Variants in MINPP1 observed in about 807,000 individuals in gnomAD.
MINPP1 encodes multiple inositol-polyphosphate phosphatase 1.
Under a neutral mutation model 46.1 loss-of-function variants are expected in MINPP1, and 28 were observed. The observed-to-expected ratio is 0.61, with a 90% CI of 0.45 to 0.83. The LOEUF (loss-of-function observed/expected upper bound fraction) is 0.83, where lower values mean the gene tolerates loss of function less well. Among genes scored for constraint, MINPP1 ranks in the 40% least tolerant of loss-of-function variants. The probability of loss-of-function intolerance (pLI) is 0.00; values close to 1 mark genes in which losing one functional copy is unlikely to be tolerated. For synonymous variants in MINPP1, 268 were observed against 249.1 expected (o/e 1.08, Z -0.72); for missense variants, 603 against 610.0 (o/e 0.99, Z 0.12).
At chr10:87,521,933 C>T (rs939889191) in intron 4 of MINPP1, among the ~76,000 whole-genome samples, 1 of 152,158 alleles carries the variant, frequency 6.6e-6, no homozygotes, top group Admixed American at 6.5e-5. Flanking sequence ...AATCCTCTCC[C>T]GTTGGTCTCC....
chr10:87,516,292 C>T (rs1851412882), intron 3 of MINPP1, among the ~76,000 whole-genome samples: 1 of 103,712 alleles, frequency 9.6e-6, no homozygotes, highest in African/African-American at 2.9e-5. Flanking sequence ...ATATTGTCCT[C>T]AAAGAATGCC....
chr10:87,521,828 A>G (rs1282090697), intron 4 of MINPP1, among the ~76,000 whole-genome samples: 3 of 152,236 alleles, frequency 2.0e-5, no homozygotes, highest in African/African-American at 4.8e-5. Flanking sequence ...AGCTTTTGTT[A>G]ACATTTATAA....
chr10:87,521,295 T>A, intron 4 of MINPP1, 126 bp downstream of exon 4: 3 of 708,486 alleles, frequency 4.2e-6, no homozygotes, highest in Non-Finnish European at 7.3e-6. Flanking sequence ...TAATATAATG[T>A]GATACAAAAG....
chr10:87,539,237 T>A (rs1851779730), intron 4 of MINPP1, among the ~76,000 whole-genome samples: 1 of 152,206 alleles, frequency 6.6e-6, no homozygotes, highest in African/African-American at 2.4e-5. Context: ...TTTCATATAT[T>A]TGTATTAATA....
At chr10:87,540,955 T>C (rs980537699) in intron 4 of MINPP1, among the ~76,000 whole-genome samples, 1 of 152,222 alleles carries the variant, frequency 6.6e-6, no homozygotes, top group Non-Finnish European at 1.5e-5. Flanking sequence ...TGTTTTTCGG[T>C]GTTTAAAAGT....
At chr10:87,549,644 C>G (rs1169342085) in intron 4 of MINPP1, among the ~76,000 whole-genome samples, 1 of 152,128 alleles carries the variant, frequency 6.6e-6, no homozygotes. Context: ...TATCTTGTCC[C>G]CAGTTTATTA....
intron 4 of MINPP1, among the ~76,000 whole-genome samples, chr10:87,538,197 G>A (rs1381446055): frequency 6.6e-6 from 1 of 151,136 alleles, no homozygotes; most frequent in Non-Finnish European, 1.5e-5. Context: ...TTCAGTGCCA[G>A]CTGAAAATTT....
Position 87,508,536 on chromosome 10 carries a change from A to G in MINPP1, c.835+3A>G, listed in dbSNP as rs541767127. 22 of 1,608,642 alleles carry G rather than the reference A, an allele frequency of 1.4e-5. No homozygotes were observed. In the East Asian group the frequency reaches 4.7e-4, roughly 34 times the overall value. Reference sequence around the variant, plus strand: ...GCCAGTAAATGATTTAAATGCAGGTAATATGTCTGTTGTCTTTTATTTGAA... The same window carrying G: ...GCCAGTAAATGATTTAAATGCAGGTGATATGTCTGTTGTCTTTTATTTGAA... On this transcript the variant is annotated splice_donor_region_variant and intron_variant, in intron 2 of 4. Coordinates refer to ENST00000371996, the MANE Select transcript of MINPP1 (RefSeq NM_004897.5).
Position 87,507,352 on chromosome 10 carries a change from T to C in MINPP1, c.638-984T>C, listed in dbSNP as rs138164777. On this transcript the variant is annotated intron_variant, in intron 1 of 4. Coordinates refer to ENST00000371996, the MANE Select transcript of MINPP1 (RefSeq NM_004897.5). ...ACAAGGATAAAATACCCAGATGCAC[T>C]TGGGAAATTATATTTTAGTGTACAC... Among the ~76,000 whole-genome samples, 904 of 152,330 alleles carry C rather than the reference T, an allele frequency of 5.9e-3. 12 individuals carry two copies. The highest frequency in any genetic ancestry group is 0.02 in the African/African-American group (851 of 41,574).
intron 4 of MINPP1, among the ~76,000 whole-genome samples, chr10:87,529,173 T>G (rs1851621445): frequency 6.6e-6 from 1 of 152,230 alleles, no homozygotes; most frequent in African/African-American, 2.4e-5. Context: ...AATTTGCCAG[T>G]CTGTGTCTTT....
At chr10:87,507,456 G>T (rs1261662442) in intron 1 of MINPP1, among the ~76,000 whole-genome samples, 1 of 151,738 alleles carries the variant, frequency 6.6e-6, no homozygotes, top group Non-Finnish European at 1.5e-5. Context: ...GACAAAGTGG[G>T]CAGAATTATC....
At chr10:87,541,608 T>C (rs987154325) in intron 4 of MINPP1, among the ~76,000 whole-genome samples, 1 of 152,178 alleles carries the variant, frequency 6.6e-6, no homozygotes, top group African/African-American at 2.4e-5. Flanking sequence ...TACCTGAGGC[T>C]GGGGAAGAGA....
Position 87,505,986 on chromosome 10 carries a change from G to A in MINPP1, c.637+434G>A, listed in dbSNP as rs532330782. On this transcript the variant is annotated intron_variant, in intron 1 of 4. Transcript: ENST00000371996. The surrounding 1 kb of genome is among the most constrained non-coding windows in gnomAD (Gnocchi z 4.4). ...AACAGAATCTAGAATTTTCTTCCTC[G>A]GGCTTTGCTTCCGATACTAGTTTTT... is the stretch of plus-strand genomic sequence containing the variant. Among the ~76,000 whole-genome samples, 224 of 150,472 alleles carry A rather than the reference G, an allele frequency of 1.5e-3. No homozygotes were observed. The highest frequency in any genetic ancestry group is 2.7e-3 in the Non-Finnish European group (182 of 67,766).
intron 3 of MINPP1, among the ~76,000 whole-genome samples, chr10:87,518,547 C>T (rs567455302): frequency 6.6e-6 from 1 of 152,054 alleles, no homozygotes; most frequent in African/African-American, 2.4e-5. Context: ...TGTGTGGGAG[C>T]CTTTCCCCTG....
At chr10:87,516,293 A>G (rs3915518) in intron 3 of MINPP1, among the ~76,000 whole-genome samples, 21,631 of 103,512 alleles carry the variant, frequency 0.21, 7,534 homozygotes, top group East Asian at 0.47. Flanking sequence ...TATTGTCCTC[A>G]AAGAATGCCA....
intron 4 of MINPP1, among the ~76,000 whole-genome samples, chr10:87,544,445 T>G (rs1851860343): frequency 6.6e-6 from 1 of 152,270 alleles, no homozygotes; most frequent in South Asian, 2.1e-4. Context: ...TGGCCATTGG[T>G]GATCAACTTG....
chr10:87,525,710 C>T (rs1274143810), intron 4 of MINPP1, among the ~76,000 whole-genome samples: 2 of 152,162 alleles, frequency 1.3e-5, no homozygotes, highest in Admixed American at 6.5e-5. Flanking sequence ...CCCTACCCCA[C>T]GACAGGCCCA....
intron 4 of MINPP1, among the ~76,000 whole-genome samples, chr10:87,542,311 C>G (rs1335534389): frequency 7.3e-6 from 1 of 137,386 alleles, no homozygotes; most frequent in Non-Finnish European, 1.7e-5. Flanking sequence ...TTTTCTCTCT[C>G]TCTCTCTTTT....
Position 87,550,838 on chromosome 10 carries a change from T to G in MINPP1, c.1068-1244T>G, listed in dbSNP as rs563454021. Among the ~76,000 whole-genome samples the G allele has an allele frequency of 3.9e-5, 6 of 152,084 alleles. No homozygotes were observed. The East Asian group carries it at 1.2e-3, about 30-fold the overall frequency. On this transcript the variant is annotated intron_variant, in intron 4 of 4. Transcript: ENST00000371996. ...GTTTCTCTAGTGTGAGCCCTGTGTTTGGAGAGTTCACAGGAGCTCCAGGAT... is the reference window on the plus strand; with the variant it reads ...GTTTCTCTAGTGTGAGCCCTGTGTTGGGAGAGTTCACAGGAGCTCCAGGAT...
Sources: gnomAD v4.1 joint callset for allele counts (sites outside exome capture counted in the v4.1 genomes callset) on GRCh38, gnomAD v4.1.1 for gene constraint, Gnocchi (gnomAD v3.1) non-coding constraint, MANE v1.5 for transcripts, NCBI Gene and HGNC (gene_info 2026-07-23, HGNC 2026-07-21) for gene names.